Variants in STT3B observed in about 807,000 individuals in gnomAD.
STT3B encodes the protein STT3 oligosaccharyltransferase complex catalytic subunit B.
In STT3B, 29 loss-of-function variants were observed where a neutral mutation model predicts 96.8. The ratio of observed to expected loss-of-function variants is 0.30; its 90% CI spans 0.22 to 0.41. The LOEUF is 0.41. STT3B is among the 10% of genes least tolerant of loss of function. STT3B has a pLI of 1.00. For synonymous variants in STT3B, 367 were observed against 360.0 expected (o/e 1.02, Z -0.22); for missense variants, 640 against 1,022.3 (o/e 0.63, Z 5.10).
chr3:31,545,352 G>T (rs530005059), intron 1 of STT3B, among the ~76,000 whole-genome samples: 2 of 152,154 alleles, frequency 1.3e-5, no homozygotes, highest in African/African-American at 4.8e-5. Flanking sequence ...TATATGAAAG[G>T]TTTTCCTTTT....
intron 3 of STT3B, among the ~76,000 whole-genome samples, chr3:31,591,677 T>G (rs1698666308): frequency 6.6e-6 from 1 of 152,124 alleles, no homozygotes; most frequent in African/African-American, 2.4e-5. Flanking sequence ...GCTGTTATTG[T>G]CGTATGTATT....
At chr3:31,587,731 A>G (rs903520831) in intron 3 of STT3B, among the ~76,000 whole-genome samples, 5 of 152,070 alleles carry the variant, frequency 3.3e-5, no homozygotes, top group African/African-American at 7.2e-5. Context: ...ATCTGTGTGC[A>G]TTTTTATTAC....
intron 5 of STT3B, among the ~76,000 whole-genome samples, chr3:31,611,990 A>ATAT (rs1257794251): frequency 1.3e-5 from 2 of 152,310 alleles, no homozygotes; most frequent in Non-Finnish European, 2.9e-5. Context: ...TGTATTTGAC[A>ATAT]TATTATCTGG....
chr3:31,583,298 G>A (rs1014690802), intron 3 of STT3B, among the ~76,000 whole-genome samples: 5 of 151,338 alleles, frequency 3.3e-5, no homozygotes, highest in Non-Finnish European at 5.9e-5. Context: ...TTTCTCTTTT[G>A]TAACCTTTTT....
At chr3:31,561,790 G>T (rs1283916908) in intron 1 of STT3B, among the ~76,000 whole-genome samples, 2 of 152,242 alleles carry the variant, frequency 1.3e-5, no homozygotes, top group East Asian at 3.9e-4. Flanking sequence ...TTGTTGGAGA[G>T]AATTTTTTCC....
intron 3 of STT3B, among the ~76,000 whole-genome samples, chr3:31,592,761 T>C (rs904301239): frequency 2.0e-5 from 3 of 152,234 alleles, no homozygotes; most frequent in Non-Finnish European, 2.9e-5. Flanking sequence ...ACGGTGACTT[T>C]CTAATTTCCC....
chr3:31,602,917 T>C (rs1455219277), intron 5 of STT3B, among the ~76,000 whole-genome samples: 1 of 152,132 alleles, frequency 6.6e-6, no homozygotes, highest in Non-Finnish European at 1.5e-5. Context: ...TGGAAAGTAG[T>C]ATGATAGAGC....
intron 5 of STT3B, among the ~76,000 whole-genome samples, chr3:31,601,227 A>C (rs1698920565): frequency 6.6e-6 from 1 of 152,210 alleles, no homozygotes; most frequent in African/African-American, 2.4e-5. Context: ...GAAAACATAT[A>C]TTCATACAAA....
chr3:31,557,718 C>T (rs889897072), intron 1 of STT3B, among the ~76,000 whole-genome samples: 89 of 152,220 alleles, frequency 5.8e-4, no homozygotes, highest in African/African-American at 1.8e-3. Context: ...CTGCAAGCTC[C>T]GCCTCCCGGG....
At chr3:31,627,137 C>T (rs747662129) in intron 13 of STT3B, among the ~76,000 whole-genome samples, 9 of 152,132 alleles carry the variant, frequency 5.9e-5, no homozygotes, top group African/African-American at 1.4e-4. Context: ...CCCCAGGCAG[C>T]GGACCAGCAC....
At position 31,627,830 on chromosome 3, in the gene STT3B, C is replaced by T. The variant is rs116429452; in HGVS notation, c.2074-1468C>T. On this transcript the variant is annotated intron_variant, in intron 13 of 15. Coordinates refer to ENST00000295770, the MANE Select transcript of STT3B (RefSeq NM_178862.3). Reference sequence around the variant, plus strand: ...ACTGTTTCTAAATGTATGCTTTGAACATTAATATTACAGAAGTCCTAAATT... The same window carrying T: ...ACTGTTTCTAAATGTATGCTTTGAATATTAATATTACAGAAGTCCTAAATT... Among the ~76,000 whole-genome samples, 216 of 152,236 alleles carry T rather than the reference C, an allele frequency of 1.4e-3. 1 individual carries two copies. The highest frequency in any genetic ancestry group is 5.1e-3 in the African/African-American group (210 of 41,526).
chr3:31,545,546 A>G (rs957009096), intron 1 of STT3B, among the ~76,000 whole-genome samples: 4 of 152,224 alleles, frequency 2.6e-5, no homozygotes, highest in African/African-American at 9.6e-5. Flanking sequence ...CTTAATGATA[A>G]ATACTTGTGA....
intron 10 of STT3B, 113 bp downstream of exon 10, chr3:31,622,421 T>C: frequency 2.1e-6 from 2 of 951,760 alleles, no homozygotes; most frequent in South Asian, 1.7e-5. Flanking sequence ...TTGGACAAAC[T>C]GTGACTTTTC....
At chr3:31,589,376 A>G (rs1263855332) in intron 3 of STT3B, among the ~76,000 whole-genome samples, 1 of 152,004 alleles carries the variant, frequency 6.6e-6, no homozygotes, top group Non-Finnish European at 1.5e-5. Context: ...GTAGACAATC[A>G]TGTCATGCAC....
At chr3:31,569,282 A>G (rs1268079907) in intron 1 of STT3B, among the ~76,000 whole-genome samples, 2 of 152,188 alleles carry the variant, frequency 1.3e-5, no homozygotes, top group Non-Finnish European at 2.9e-5. Context: ...CTAAGCCACT[A>G]CATCAGCCAT....
Position 31,623,525 on chromosome 3 carries a change from A to G in STT3B, c.1540-149A>G, listed in dbSNP as rs1389260094. The G allele has an allele frequency of 4.9e-6, 3 of 614,508 alleles. No individual in the cohort carries two copies. In the Admixed American group the frequency reaches 9.1e-5, roughly 19 times the overall value. The allele number at this position is 614,508 out of a possible 1,614,324, so 38.1% of individuals were successfully genotyped here. ...CGTTTGACTTAGAAAACACTCCATCACCCACATAAGAATATCTGATGGTTA... is the reference window on the plus strand; with the variant it reads ...CGTTTGACTTAGAAAACACTCCATCGCCCACATAAGAATATCTGATGGTTA... On this transcript the variant is annotated intron_variant, in intron 10 of 15. Transcript: ENST00000295770.
intron 1 of STT3B, among the ~76,000 whole-genome samples, chr3:31,534,760 GA>G (rs1206542985): frequency 1.3e-5 from 2 of 152,188 alleles, no homozygotes; most frequent in Non-Finnish European, 2.9e-5. Context: ...AGTCTTCCAT[GA>G]AATGTTTTCA....
intron 3 of STT3B, among the ~76,000 whole-genome samples, chr3:31,591,955 A>T (rs1420427011): frequency 6.6e-6 from 1 of 152,026 alleles, no homozygotes; most frequent in Non-Finnish European, 1.5e-5. Context: ...CAGTTTTTTT[A>T]AACTATGGTA....
chr3:31,620,712 G>T (rs1371331767), intron 9 of STT3B, among the ~76,000 whole-genome samples: 2 of 152,226 alleles, frequency 1.3e-5, no homozygotes, highest in African/African-American at 4.8e-5. Flanking sequence ...TGCTGTGGTT[G>T]TTTTGTATGA....
Sources: allele counts gnomAD v4.1 joint callset (sites outside exome capture counted in the v4.1 genomes callset), GRCh38; gene constraint gnomAD v4.1.1; transcripts MANE v1.5; gene names NCBI Gene and HGNC (gene_info 2026-07-23, HGNC 2026-07-21).